The following HSDL1 variants were observed in gnomAD, a reference collection of about 807,000 sequenced individuals.
The protein encoded by HSDL1 is inactive hydroxysteroid dehydrogenase-like protein 1.
HSDL1 carries 29 observed loss-of-function variants against 31.5 expected under a neutral mutation model. The ratio of observed to expected loss-of-function variants is 0.92; its 90% confidence interval spans 0.69 to 1.26. HSDL1 has a LOEUF of 1.26. Ranked by LOEUF, HSDL1 falls within the 50% of genes most tolerant of loss-of-function variation. The pLI, the probability that HSDL1 is intolerant of heterozygous loss-of-function variation, is 0.00. For synonymous variants in HSDL1, 222 were observed against 155.2 expected (o/e 1.43, Z -3.20); for missense variants, 503 against 416.6 (o/e 1.21, Z -1.81).
At chr16:84,127,714 G>GTA (rs1306463567) in intron 5 of HSDL1, among the ~76,000 whole-genome samples, 4 of 147,140 alleles carry the variant, frequency 2.7e-5, no homozygotes, top group African/African-American at 1.0e-4. Context: ...ACTCACACTG[G>GTA]TATTTTTTTT....
rs150968702 is a variant in HSDL1 at position 84,127,670 on chromosome 16, T to TA, written c.894+1877dup. 4.6e-3 allele frequency among the ~76,000 whole-genome samples: 640 copies of TA among 138,154 alleles called. 4 individuals are homozygous for TA. Among genetic ancestry groups the TA allele is most frequent in the Non-Finnish European group, 6.8e-3 (433 of 63,598 alleles). The allele number at this position is 138,154 out of a possible 152,430, so 90.6% of individuals were successfully genotyped here. ...TGATAATTAAGAAAACTCCGAATATTAAAAAAAAAAAAAAATTCGGACCAG... is the reference window on the plus strand; with the variant it reads ...TGATAATTAAGAAAACTCCGAATATTAAAAAAAAAAAAAAAATTCGGACCAG... On this transcript the variant is annotated intron_variant, in intron 5 of 5. Coordinates refer to ENST00000219439, the MANE Select transcript of HSDL1 (RefSeq NM_031463.5).
intron 1 of HSDL1, among the ~76,000 whole-genome samples, chr16:84,141,468 T>A (rs1015135183): frequency 6.6e-5 from 10 of 152,248 alleles, no homozygotes; most frequent in African/African-American, 2.4e-4. Context: ...GATTTACAGT[T>A]AGGAACAGTG....
chr16:84,141,553 T>C (rs942353484), intron 1 of HSDL1, among the ~76,000 whole-genome samples: 2 of 152,258 alleles, frequency 1.3e-5, no homozygotes, highest in Non-Finnish European at 2.9e-5. Context: ...ATGGTTTAAC[T>C]GCTGGTCCAC....
At chr16:84,132,189 C>G (rs1321703743) in intron 2 of HSDL1, among the ~76,000 whole-genome samples, 1 of 152,200 alleles carries the variant, frequency 6.6e-6, no homozygotes, top group Admixed American at 6.5e-5. Context: ...CACAAAGCTT[C>G]TAATTCATAC....
chr16:84,142,518 C>T (rs566822295), intron 1 of HSDL1, among the ~76,000 whole-genome samples: 19 of 149,126 alleles, frequency 1.3e-4, no homozygotes, highest in African/African-American at 4.2e-4. Context: ...TCACTGCAAC[C>T]TCCTCCTTCC....
intron 2 of HSDL1, among the ~76,000 whole-genome samples, chr16:84,135,258 A>C (rs1053653161): frequency 1.3e-5 from 2 of 152,038 alleles, no homozygotes; most frequent in African/African-American, 4.8e-5. Flanking sequence ...AAAAAAAAAA[A>C]AGAAAGAAAA....
At position 84,124,624 on chromosome 16, in the gene HSDL1, C is replaced by G; in HGVS notation, c.*6G>C. On this transcript the variant is annotated 3_prime_UTR_variant, in exon 6 of 6. Transcript: ENST00000219439. ...TTGGCAAAACTTCTCAAGTGGCCAT[C>G]CAGACTCAGGCTGTGCAGGATAAGG... is the stretch of plus-strand genomic sequence containing the variant. 6.2e-7 allele frequency: 1 copy of G among 1,602,314 alleles called. No individual in the cohort carries two copies. The highest frequency in any genetic ancestry group is 8.6e-7 in the Non-Finnish European group (1 of 1,169,302).
At chr16:84,143,788 G>A (rs574394326) in intron 1 of HSDL1, among the ~76,000 whole-genome samples, 1 of 151,154 alleles carries the variant, frequency 6.6e-6, no homozygotes, top group East Asian at 1.9e-4. Flanking sequence ...CTTGAGGCCA[G>A]GAGTTCAAGG....
intron 1 of HSDL1, among the ~76,000 whole-genome samples, chr16:84,140,989 G>GC (rs200475209): frequency 0.031 from 4,681 of 152,080 alleles, 196 homozygotes; most frequent in African/African-American, 0.11. Context: ...TACTCGGGAG[G>GC]CTGAGGCAGG....
intron 1 of HSDL1, among the ~76,000 whole-genome samples, chr16:84,141,272 C>T (rs2086767124): frequency 6.6e-6 from 1 of 152,140 alleles, no homozygotes; most frequent in African/African-American, 2.4e-5. Flanking sequence ...TCTCACGGTT[C>T]AGATGCACTG....
At chr16:84,135,232 C>G (rs77399765) in intron 2 of HSDL1, among the ~76,000 whole-genome samples, 1 of 126,674 alleles carries the variant, frequency 7.9e-6, no homozygotes, top group African/African-American at 3.0e-5. Context: ...GACTCCGTCT[C>G]AAAAAAGAAA....
chr16:84,143,093 C>T (rs1294883032), intron 1 of HSDL1, among the ~76,000 whole-genome samples: 1 of 152,214 alleles, frequency 6.6e-6, no homozygotes, highest in Non-Finnish European at 1.5e-5. Context: ...GTACCCCACT[C>T]CTAGGCAGAT....
intron 5 of HSDL1, among the ~76,000 whole-genome samples, chr16:84,126,984 T>C (rs2086613872): frequency 6.6e-6 from 1 of 152,176 alleles, no homozygotes; most frequent in Non-Finnish European, 1.5e-5. Context: ...GAAAAATACA[T>C]TCTCAAGGAA....
intron 3 of HSDL1, 119 bp from the exon 4 acceptor site, chr16:84,130,550 G>C (rs2086653641): frequency 1.3e-6 from 1 of 782,634 alleles, no homozygotes; most frequent in Non-Finnish European, 2.0e-6. Flanking sequence ...AATCAAGTCG[G>C]TTCTAGTATC....
intron 1 of HSDL1, among the ~76,000 whole-genome samples, chr16:84,136,732 C>T (rs76247205): frequency 4.3e-4 from 65 of 152,318 alleles, no homozygotes; most frequent in African/African-American, 1.4e-3. Flanking sequence ...GTCAGGGGAG[C>T]GCCATCGTGT....
At chr16:84,130,879 G>T in intron 3 of HSDL1, 2 of 512,452 alleles carry the variant, frequency 3.9e-6, no homozygotes, top group South Asian at 6.5e-5. Context: ...AGGAGGACTG[G>T]GAACAGGAGA....
At chr16:84,143,834 T>TAA (rs752024972) in intron 1 of HSDL1, among the ~76,000 whole-genome samples, 15 of 112,074 alleles carry the variant, frequency 1.3e-4, no homozygotes, top group African/African-American at 3.4e-4. Flanking sequence ...CCGTCTCTAC[T>TAA]AAAAAAAAAA....
At chr16:84,139,428 G>C (rs1355948709) in intron 1 of HSDL1, 1 of 152,584 alleles carries the variant, frequency 6.6e-6, no homozygotes, top group Non-Finnish European at 1.5e-5. Context: ...AGAGGGGTGG[G>C]TCACCAGTGA....
Position 84,123,669 on chromosome 16 carries a change from G to A in HSDL1, c.*961C>T, listed in dbSNP as rs548655129. 2 of 152,570 alleles carry A rather than the reference G, an allele frequency of 1.3e-5. No homozygotes were observed. The highest frequency in any genetic ancestry group is 4.2e-4 in the South Asian group (2 of 4,816). 9.5% of individuals were successfully genotyped at this position (152,570 alleles called of 1,614,324 possible). ...TACTATTTCTATCAATAATGCTACTGGAATGGAATAATATTACATAGAAAA... is the reference window on the plus strand; with the variant it reads ...TACTATTTCTATCAATAATGCTACTAGAATGGAATAATATTACATAGAAAA... On this transcript the variant is annotated 3_prime_UTR_variant, in exon 6 of 6. Transcript: ENST00000219439.
Sources: allele counts gnomAD v4.1 joint callset (sites outside exome capture counted in the v4.1 genomes callset), GRCh38; gene constraint gnomAD v4.1.1; transcripts MANE v1.5; gene names NCBI Gene and HGNC (gene_info 2026-07-23, HGNC 2026-07-21).